The following LIPG variants were observed in gnomAD, a reference collection of about 807,000 sequenced individuals.
LIPG encodes the protein endothelial lipase.
Under a neutral mutation model 51.8 loss-of-function variants are expected in LIPG, and 34 were observed. The ratio of observed to expected loss-of-function variants is 0.66; its 90% confidence interval spans 0.50 to 0.87. The LOEUF is 0.87. Ranked by LOEUF, LIPG falls within the 40% of genes least tolerant of loss-of-function variation. The probability of loss-of-function intolerance (pLI) is 0.00; values close to 1 mark genes in which losing one functional copy is unlikely to be tolerated. For synonymous variants in LIPG, 246 were observed against 246.1 expected, an observed-to-expected ratio of 1.00 and a Z score of 0.00; for missense variants, 580 against 652.7, an observed-to-expected ratio of 0.89 and a Z score of 1.21.
At chr18:49,573,008 G>A (rs2084679495) in intron 4 of LIPG, among the ~76,000 whole-genome samples, 1 of 152,184 alleles carries the variant, frequency 6.6e-6, no homozygotes, top group Non-Finnish European at 1.5e-5. Flanking sequence ...ACAGATATGT[G>A]TCAGGGACAG....
At position 49,590,990 on chromosome 18, in the gene LIPG, C is replaced by G. The variant is rs1011672806; in HGVS notation, c.*468C>G. The G allele has an allele frequency of 3.8e-6, 1 of 263,014 alleles. No homozygotes were observed. The allele number at this position is 263,014 out of a possible 1,614,324, so 16.3% of individuals were successfully genotyped here. ...CATGTCAGGATGGCAGGCCTGGTAT[C>G]TTGCTCGGGCCCTAGCTGTTGGGGT... On this transcript the variant is annotated 3_prime_UTR_variant, in exon 10 of 10. Transcript: ENST00000261292.
chr18:49,590,994 C>T lies in LIPG; in HGVS notation c.*472C>T, dbSNP rs1015427050. ...TCAGGATGGCAGGCCTGGTATCTTGCTCGGGCCCTAGCTGTTGGGGTTCTC... is the reference window on the plus strand; with the variant it reads ...TCAGGATGGCAGGCCTGGTATCTTGTTCGGGCCCTAGCTGTTGGGGTTCTC... On this transcript the variant is annotated 3_prime_UTR_variant, in exon 10 of 10. Coordinates refer to ENST00000261292, the MANE Select transcript of LIPG (RefSeq NM_006033.4). The T allele has an allele frequency of 2.7e-5, 7 of 262,694 alleles. No individual in the cohort carries two copies. 16.3% of individuals were successfully genotyped at this position (262,694 alleles called of 1,614,324 possible). A position where few individuals can be genotyped will look rare whatever the true frequency, so the allele number is the denominator to read the frequency against.
intron 4 of LIPG, among the ~76,000 whole-genome samples, chr18:49,574,960 A>G (rs2084700162): frequency 6.6e-6 from 1 of 152,214 alleles, no homozygotes. Context: ...AATTAAGGAC[A>G]TGAAAGATGC....
rs376572787 is a variant in LIPG, at chr18:49,581,409, C to T, written c.794-6C>T. Reference sequence around the variant, plus strand: ...CCTGCATGCTTTTTATCTCTCCCACCCCCAGCAATCACAGAGGTGGTAAAA... The same window carrying T: ...CCTGCATGCTTTTTATCTCTCCCACTCCCAGCAATCACAGAGGTGGTAAAA... On this transcript the variant is annotated splice_region_variant and splice_polypyrimidine_tract_variant and intron_variant, in intron 5 of 9. Transcript: ENST00000261292. 97 of 1,614,178 alleles carry T rather than the reference C, an allele frequency of 6.0e-5. No homozygotes were observed. The African/African-American group carries it at 1.1e-3, about 18-fold the overall frequency.
intron 2 of LIPG, among the ~76,000 whole-genome samples, chr18:49,566,073 AATTT>A (rs1420330157): frequency 1.3e-5 from 2 of 152,212 alleles, no homozygotes; most frequent in African/African-American, 2.4e-5. Context: ...ACCAGCCAGG[AATTT>A]ATTCATTCAT....
At chr18:49,563,657 T>C (rs2084574181) in intron 1 of LIPG, among the ~76,000 whole-genome samples, 1 of 151,412 alleles carries the variant, frequency 6.6e-6, no homozygotes, top group Non-Finnish European at 1.5e-5. Context: ...TGCGATTTTA[T>C]GATGTGGTCA....
chr18:49,591,315 T>C lies in LIPG; in HGVS notation c.*793T>C, dbSNP rs2084941507. The C allele has an allele frequency of 6.6e-6, 1 of 152,232 alleles. No homozygotes were observed. The highest frequency in any genetic ancestry group is 1.5e-5 in the Non-Finnish European group (1 of 68,090). 9.4% of individuals were successfully genotyped at this position (152,232 alleles called of 1,614,324 possible). On this transcript the variant is annotated 3_prime_UTR_variant, in exon 10 of 10. Coordinates refer to ENST00000261292, the MANE Select transcript of LIPG (RefSeq NM_006033.4). ...GGGGGAGGCTATAGGATATAAGCAT[T>C]AGGGACCCTGAGGCTTTAAGTGGTT...
intron 3 of LIPG, among the ~76,000 whole-genome samples, chr18:49,568,085 A>G (rs2084626202): frequency 6.6e-6 from 1 of 150,936 alleles, no homozygotes; most frequent in South Asian, 2.1e-4. Context: ...GCTGGAGTAC[A>G]GTGGTGTGAT....
Position 49,592,451 on chromosome 18 carries a change from C to G in LIPG, c.*1929C>G, listed in dbSNP as rs1019101471. 6.6e-6 allele frequency: 1 copy of G among 152,206 alleles called. No individual in the cohort carries two copies. The highest frequency in any genetic ancestry group is 1.5e-5 in the Non-Finnish European group (1 of 68,042). 9.4% of individuals were successfully genotyped at this position (152,206 alleles called of 1,614,324 possible). ...ACAAAATTCATTGATGTGTCAGTTA[C>G]ACCTTATCCACATAGCCTGAGGGTA... On this transcript the variant is annotated 3_prime_UTR_variant, in exon 10 of 10. Coordinates refer to ENST00000261292, the MANE Select transcript of LIPG (RefSeq NM_006033.4).
At chr18:49,587,221 C>T (rs745441074) in intron 9 of LIPG, among the ~76,000 whole-genome samples, 1 of 151,328 alleles carries the variant, frequency 6.6e-6, no homozygotes, top group Non-Finnish European at 1.5e-5. Flanking sequence ...CTGCAGTGAG[C>T]TGAGACCGCA....
chr18:49,562,449 C>T (rs778769053), intron 1 of LIPG, 44 bp downstream of exon 1: 2 of 1,524,292 alleles, frequency 1.3e-6, no homozygotes, highest in Non-Finnish European at 1.8e-6. Context: ...CTTCTCTGTG[C>T]TGGGTCCCCT....
chr18:49,579,890 C>A (rs552325167), intron 5 of LIPG, among the ~76,000 whole-genome samples: 2 of 151,534 alleles, frequency 1.3e-5, no homozygotes, highest in African/African-American at 2.4e-5. Context: ...CTCTGCTCAC[C>A]GCAACCTCCA....
intron 9 of LIPG, among the ~76,000 whole-genome samples, chr18:49,588,717 G>A (rs1235298788): frequency 6.6e-6 from 1 of 152,102 alleles, no homozygotes; most frequent in African/African-American, 2.4e-5. Context: ...TATTTCAGAC[G>A]TGAGGAAGGC....
intron 5 of LIPG, 43 bp downstream of exon 5, chr18:49,575,633 C>G (rs776428015): frequency 6.7e-7 from 1 of 1,501,076 alleles, no homozygotes; most frequent in Non-Finnish European, 9.2e-7. Context: ...TCAGTTTATT[C>G]CATCTCCTTC....
chr18:49,567,164 C>G lies in LIPG; in HGVS notation c.280-278C>G, dbSNP rs151262579. Among the ~76,000 whole-genome samples, 9 of 152,164 alleles carry G rather than the reference C, an allele frequency of 5.9e-5. 1 individual carries two copies. The East Asian group carries it at 1.6e-3, about 26-fold the overall frequency. ...CCAGCCTGGGCAACATAGTGAGACC[C>G]TGTTGCTGCAAAAAGTTTAAAAATT... On this transcript the variant is annotated intron_variant, in intron 2 of 9. Transcript: ENST00000261292.
intron 5 of LIPG, among the ~76,000 whole-genome samples, chr18:49,579,566 C>T (rs942079078): frequency 2.0e-5 from 3 of 151,970 alleles, no homozygotes; most frequent in Non-Finnish European, 2.9e-5. Flanking sequence ...TGGCTGCTGA[C>T]AGCATTTCCT....
At chr18:49,579,792 T>TCCTCCCCTCCCCTCCC (rs1568533574) in intron 5 of LIPG, among the ~76,000 whole-genome samples, 1 of 139,742 alleles carries the variant, frequency 7.2e-6, no homozygotes, top group Admixed American at 7.1e-5. Flanking sequence ...TCTTTTCTTT[T>TCCTCCCCTCCCCTCCC]CTTTTCTTTT....
chr18:49,569,241 T>A (rs148204400), intron 3 of LIPG, among the ~76,000 whole-genome samples, 196 bp from the exon 4 acceptor site: 105 of 152,234 alleles, frequency 6.9e-4, no homozygotes, highest in African/African-American at 2.4e-3. Context: ...TGCCACCAAG[T>A]CCTTTTGGCC....
At chr18:49,564,900 A>G (rs922884413) in intron 1 of LIPG, among the ~76,000 whole-genome samples, 21 of 152,240 alleles carry the variant, frequency 1.4e-4, no homozygotes, top group African/African-American at 4.8e-4. Flanking sequence ...ATTATATAAT[A>G]TATGGTGTAT....
Sources: allele counts gnomAD v4.1 joint callset (sites outside exome capture counted in the v4.1 genomes callset), GRCh38; gene constraint gnomAD v4.1.1; transcripts MANE v1.5; gene names NCBI Gene and HGNC (gene_info 2026-07-23, HGNC 2026-07-21).